The following PTPRT variants were observed in gnomAD, a reference collection of about 807,000 sequenced individuals.
PTPRT encodes the protein protein tyrosine phosphatase receptor type T, also known as receptor-type tyrosine-protein phosphatase T.
PTPRT carries 56 observed loss-of-function variants against 176.8 expected under a neutral mutation model. That is an observed-to-expected ratio of 0.32 (90% CI 0.26 to 0.40). PTPRT has a LOEUF of 0.40. Among genes scored for constraint, PTPRT ranks in the 10% least tolerant of loss-of-function variants. The probability of loss-of-function intolerance (pLI) is 1.00; values close to 1 mark genes in which losing one functional copy is unlikely to be tolerated. For synonymous variants in PTPRT, 783 were observed against 739.0 expected, an observed-to-expected ratio of 1.06 and a Z score of -0.96; for missense variants, 1,540 against 1,908.2, an observed-to-expected ratio of 0.81 and a Z score of 3.60.
In PTPRT at chr20:43,004,173, A is replaced by C. The variant is rs1417072649; in HGVS notation, c.89-118241T>G. Among the ~76,000 whole-genome samples, 13 of 63,264 alleles carry C rather than the reference A, an allele frequency of 2.1e-4. No homozygotes were observed. The African/African-American group carries it at 2.1e-3, about 10-fold the overall frequency. The allele number at this position is 63,264 out of a possible 152,430, so 41.5% of individuals were successfully genotyped here. A position where few individuals can be genotyped will look rare whatever the true frequency, so the allele number is the denominator to read the frequency against. ...GTTTTAAATCACAACCAAGATGTAA[A>C]AAAAAAAAAAAAAGACTACAAATAT... On this transcript the variant is annotated intron_variant, in intron 1 of 30. Coordinates refer to ENST00000373187, the MANE Select transcript of PTPRT (RefSeq NM_007050.6).
At chr20:42,955,367 C>T (rs942056653) in intron 1 of PTPRT, among the ~76,000 whole-genome samples, 1 of 152,274 alleles carries the variant, frequency 6.6e-6, no homozygotes, top group Admixed American at 6.5e-5. Flanking sequence ...CCCAGAATTT[C>T]CCACACTTGC....
chr20:43,078,692 C>T (rs956771218), intron 1 of PTPRT, among the ~76,000 whole-genome samples: 2 of 152,200 alleles, frequency 1.3e-5, no homozygotes, highest in Non-Finnish European at 2.9e-5. Flanking sequence ...CATGCCATGG[C>T]AGCATACACT....
intron 18 of PTPRT, among the ~76,000 whole-genome samples, chr20:42,139,046 A>G (rs940420665): frequency 6.6e-6 from 1 of 152,228 alleles, no homozygotes; most frequent in African/African-American, 2.4e-5. Flanking sequence ...GGACGCATAC[A>G]AGGGCAGGAA....
At chr20:42,212,564 G>T (rs984238699) in intron 15 of PTPRT, among the ~76,000 whole-genome samples, 2 of 152,144 alleles carry the variant, frequency 1.3e-5, no homozygotes, top group African/African-American at 4.8e-5. Context: ...AGACAGCCTG[G>T]CATCAAAATC....
chr20:43,068,504 C>CA (rs3092671), intron 1 of PTPRT, among the ~76,000 whole-genome samples: 2,616 of 55,626 alleles, frequency 0.047, 56 homozygotes, highest in African/African-American at 0.068. Context: ...GACTCTGTCT[C>CA]AAAAAAAAAA....
intron 7 of PTPRT, among the ~76,000 whole-genome samples, chr20:42,507,946 C>T (rs908333877): frequency 4.0e-5 from 6 of 151,592 alleles, no homozygotes; most frequent in African/African-American, 4.9e-5. Context: ...CCAAGCTCTT[C>T]GAGGTCAATG....
At chr20:42,935,751 A>G (rs1047062784) in intron 1 of PTPRT, among the ~76,000 whole-genome samples, 1 of 151,636 alleles carries the variant, frequency 6.6e-6, no homozygotes, top group African/African-American at 2.4e-5. Flanking sequence ...CTATTCTTCT[A>G]TTCTATTCTA....
intron 2 of PTPRT, among the ~76,000 whole-genome samples, chr20:42,811,259 T>C (rs1209498802): frequency 6.6e-6 from 1 of 152,206 alleles, no homozygotes; most frequent in Non-Finnish European, 1.5e-5. Flanking sequence ...AACATCATTT[T>C]AAATATCTTA....
chr20:42,299,938 C>T (rs561283240), intron 12 of PTPRT, among the ~76,000 whole-genome samples: 22 of 151,768 alleles, frequency 1.4e-4, no homozygotes, highest in Non-Finnish European at 2.8e-4. Flanking sequence ...TGAGCCACCG[C>T]ACCCGGCCAC....
rs561456780 is a variant in PTPRT, at chr20:42,654,989, C to T, written c.1153+22877G>A. Among the ~76,000 whole-genome samples, 23 of 152,288 alleles carry T rather than the reference C, an allele frequency of 1.5e-4. No homozygotes were observed. The East Asian group carries it at 3.1e-3, about 20-fold the overall frequency. ...CATTTAGTCATCACGAGACCTTCTT[C>T]AGCAATGACAATTCAATGGATCCAA... On this transcript the variant is annotated intron_variant, in intron 7 of 30. Transcript: ENST00000373187.
intron 6 of PTPRT, among the ~76,000 whole-genome samples, chr20:42,741,360 T>C (rs570582795): frequency 9.2e-5 from 14 of 152,308 alleles, no homozygotes; most frequent in Middle Eastern, 3.4e-3. Flanking sequence ...GTTCTTTTTT[T>C]TGAGATGGAG....
At chr20:42,353,010 C>T (rs2058308541) in intron 9 of PTPRT, among the ~76,000 whole-genome samples, 1 of 152,166 alleles carries the variant, frequency 6.6e-6, no homozygotes, top group Non-Finnish European at 1.5e-5. Context: ...ATTATCATTT[C>T]AATCTGTAGA....
At chr20:42,796,197 A>G (rs4812646) in intron 2 of PTPRT, among the ~76,000 whole-genome samples, 62,521 of 151,816 alleles carry the variant, frequency 0.41, 15,084 homozygotes, top group Non-Finnish European at 0.54. Flanking sequence ...CCAGTAGCTA[A>G]TAACGCCATA....
chr20:43,158,130 T>G (rs1161113580), intron 1 of PTPRT, among the ~76,000 whole-genome samples: 26 of 151,870 alleles, frequency 1.7e-4, no homozygotes. Flanking sequence ...CAAGTGGAGG[T>G]GGCGAGAGTG....
At chr20:42,945,089 T>C (rs1433818548) in intron 1 of PTPRT, among the ~76,000 whole-genome samples, 3 of 148,604 alleles carry the variant, frequency 2.0e-5, no homozygotes, top group African/African-American at 7.3e-5. Flanking sequence ...AAATATGTAA[T>C]ATTTATATAA....
intron 9 of PTPRT, 107 bp from the exon 10 acceptor site, chr20:42,352,392 G>C: frequency 9.1e-7 from 1 of 1,099,626 alleles, no homozygotes; most frequent in Non-Finnish European, 1.3e-6. Context: ...GGGCAGGCAT[G>C]TGAACTTGGC....
At chr20:42,433,164 C>G (rs757092149) in intron 9 of PTPRT, among the ~76,000 whole-genome samples, 3 of 152,150 alleles carry the variant, frequency 2.0e-5, no homozygotes, top group Admixed American at 6.5e-5. Flanking sequence ...TCCCCAGAAC[C>G]TCACACCATC....
At chr20:42,678,747 A>C (rs555437487) in intron 6 of PTPRT, among the ~76,000 whole-genome samples, 7 of 152,338 alleles carry the variant, frequency 4.6e-5, no homozygotes, top group African/African-American at 1.7e-4. Context: ...CCATGTGAGG[A>C]AATGGTTTTC....
At chr20:42,741,068 A>T (rs2146293159) in intron 6 of PTPRT, among the ~76,000 whole-genome samples, 1 of 152,336 alleles carries the variant, frequency 6.6e-6, no homozygotes, top group Middle Eastern at 3.4e-3. Flanking sequence ...TAGAGAGGAC[A>T]GAAGGTGTAA....
Sources: gnomAD v4.1 joint callset for allele counts (sites outside exome capture counted in the v4.1 genomes callset) on GRCh38, gnomAD v4.1.1 for gene constraint, MANE v1.5 for transcripts, NCBI Gene and HGNC (gene_info 2026-07-23, HGNC 2026-07-21) for gene names.